The following MZT2A variants were observed in gnomAD, a reference collection of about 807,000 sequenced individuals.
MZT2A encodes mitotic spindle organizing protein 2A, also known as mitotic-spindle organizing protein 2A.
A neutral mutation model predicts 12.4 loss-of-function variants in MZT2A; 8 were observed. The observed-to-expected ratio is 0.64, with a 90% CI of 0.38 to 1.16. MZT2A has a LOEUF of 1.16. Ranked by LOEUF, MZT2A falls within the 50% of genes most tolerant of loss-of-function variation. The probability of loss-of-function intolerance (pLI) is 0.01; values close to 1 mark genes in which losing one functional copy is unlikely to be tolerated. For missense variants in MZT2A, 181 were observed against 223.6 expected (o/e 0.81, Z 1.22); for synonymous variants, 88 against 107.5 (o/e 0.82, Z 1.12).
upstream of MZT2A, chr2:131,493,092 G>T: frequency 6.7e-7 from 1 of 1,494,540 alleles, no homozygotes; most frequent in Non-Finnish European, 9.0e-7. Context: ...GCGCGGTGGC[G>T]GAATGGCGGC....
chr2:131,480,190 A>C (rs755915508), downstream of MZT2A: 3 of 1,613,944 alleles, frequency 1.9e-6, no homozygotes, highest in Non-Finnish European at 2.5e-6. Flanking sequence ...AAGAAGTCCA[A>C]GCTAGAGTTT....
chr2:131,470,624 C>T (rs1365852585), intron 3 of MZT2A, among the ~76,000 whole-genome samples: 1 of 152,162 alleles, frequency 6.6e-6, no homozygotes, highest in African/African-American at 2.4e-5. Flanking sequence ...GGACAGCTGG[C>T]TCTGTAATGC....
At chr2:131,493,434 T>C (rs899911683), upstream of MZT2A, among the ~76,000 whole-genome samples, 3 of 152,164 alleles carry the variant, frequency 2.0e-5, no homozygotes, top group Non-Finnish European at 4.4e-5. Flanking sequence ...GAGCTTTGTG[T>C]TGAAATTGAG....
intron 4 of MZT2A, chr2:131,469,808 C>CCCCCTT (rs1390873773): frequency 7.6e-6 from 1 of 131,490 alleles, no homozygotes; most frequent in African/African-American, 3.9e-5. Context: ...TCCTCCCCCC[C>CCCCCTT]TTTTTTTTTT....
At chr2:131,492,639 G>T, upstream of MZT2A, 2 of 1,237,820 alleles carry the variant, frequency 1.6e-6, no homozygotes, top group Non-Finnish European at 2.0e-6. Context: ...GGGCGTCCCT[G>T]ATAGACTTGC....
chr2:131,483,849 C>T (rs1262501316), downstream of MZT2A: 6 of 1,128,456 alleles, frequency 5.3e-6, no homozygotes, highest in African/African-American at 1.6e-5. Context: ...GGAAGTTGAC[C>T]CATGGTGAAG....
At chr2:131,487,840 C>T (rs148260376) in intron 2 of MZT2A, among the ~76,000 whole-genome samples, 513 of 152,336 alleles carry the variant, frequency 3.4e-3, no homozygotes, top group African/African-American at 0.012. Context: ...AGTCACAGCT[C>T]ACTGCAACCT....
chr2:131,479,376 G>A (rs769593401), downstream of MZT2A: 20 of 1,614,086 alleles, frequency 1.2e-5, no homozygotes, highest in Non-Finnish European at 1.7e-5. Context: ...GAAGGAAGAT[G>A]CAGCCAATAA....
downstream of MZT2A, chr2:131,480,002 C>T: frequency 6.6e-7 from 1 of 1,518,874 alleles, no homozygotes; most frequent in East Asian, 2.3e-5. Context: ...AGAAGCGGCC[C>T]TGGCTTGTTG....
At chr2:131,477,460 T>A (rs1678711802) in intron 2 of MZT2A, among the ~76,000 whole-genome samples, 1 of 152,014 alleles carries the variant, frequency 6.6e-6, no homozygotes, top group Admixed American at 6.6e-5. Flanking sequence ...AGGGTAGTTT[T>A]ATGAAGAGGG....
At chr2:131,484,411 G>C (rs1472786730) in intron 2 of MZT2A, among the ~76,000 whole-genome samples, 193 bp from the exon 3 acceptor site, 2 of 152,234 alleles carry the variant, frequency 1.3e-5, no homozygotes, top group Non-Finnish European at 2.9e-5. Flanking sequence ...AGAAGCCCTT[G>C]GCAGTGTGCA....
At chr2:131,481,654 C>G (rs1244337636), downstream of MZT2A, among the ~76,000 whole-genome samples, 5 of 151,906 alleles carry the variant, frequency 3.3e-5, no homozygotes, top group African/African-American at 1.2e-4. Context: ...AGGCTGGTCT[C>G]GAACTCCTGG....
intron 2 of MZT2A, chr2:131,491,416 G>C: frequency 3.6e-6 from 1 of 278,036 alleles, no homozygotes; most frequent in Non-Finnish European, 6.9e-6. Context: ...TATACCACAG[G>C]ACAGAGATCG....
At chr2:131,480,870 T>C (rs566220036), downstream of MZT2A, 24 of 1,375,792 alleles carry the variant, frequency 1.7e-5, 1 homozygote, top group South Asian at 2.8e-5. Context: ...CATGTGGGCA[T>C]AAATTAGTGA....
chr2:131,471,455 AAAG>A (rs1438664125), intron 3 of MZT2A, among the ~76,000 whole-genome samples: 1 of 129,612 alleles, frequency 7.7e-6, no homozygotes, highest in African/African-American at 4.8e-5. Context: ...AAAAAAAAAA[AAAG>A]AAAAAAAGAA....
intron 2 of MZT2A, among the ~76,000 whole-genome samples, chr2:131,473,114 C>G (rs1394413579): frequency 2.0e-5 from 3 of 152,084 alleles, no homozygotes; most frequent in Non-Finnish European, 4.4e-5. Context: ...TGGCTGTGTG[C>G]AAACCAGGAA....
At position 131,476,923 on chromosome 2, in the gene MZT2A, C is replaced by T. The variant is rs72859879; in HGVS notation, c.279-4741G>A. On this transcript the variant is annotated intron_variant and NMD_transcript_variant, in intron 2 of 4. Transcript: ENST00000427024. Reference sequence around the variant, plus strand: ...GCACTCCAGCCTGGGCCACAGAGACCCTGCCTCAAAGACACAAACAAAAAA... The same window carrying T: ...GCACTCCAGCCTGGGCCACAGAGACTCTGCCTCAAAGACACAAACAAAAAA... Among the ~76,000 whole-genome samples, 151 of 144,424 alleles carry T rather than the reference C, an allele frequency of 1.0e-3. 4 individuals carry two copies. Among genetic ancestry groups the T allele is most frequent in the Middle Eastern group, 3.4e-3 (1 of 294 alleles). 94.7% of individuals were successfully genotyped at this position (144,424 alleles called of 152,430 possible).
rs2622037 is a variant in MZT2A, at chr2:131,492,153, G to A, written c.170+54C>T. On this transcript the variant is annotated intron_variant, in intron 1 of 2. Transcript: ENST00000309451. ...GACCAGCGGGCCGGGCGTACCCGGAGAGCAGAGGTCGGGGGTGTCTGGCGA... is the reference window on the plus strand; with the variant it reads ...GACCAGCGGGCCGGGCGTACCCGGAAAGCAGAGGTCGGGGGTGTCTGGCGA... 6,546 of 1,537,420 alleles carry A rather than the reference G, an allele frequency of 4.3e-3. 25 individuals carry two copies. The highest frequency in any genetic ancestry group is 5.2e-3 in the Non-Finnish European group (5,916 of 1,141,958).
chr2:131,476,220 C>G (rs200054019), intron 2 of MZT2A: 7 of 1,613,890 alleles, frequency 4.3e-6, no homozygotes. Context: ...CCGGGTCACT[C>G]CCGCCCCGCA....
Sources: gnomAD v4.1 joint callset for allele counts (sites outside exome capture counted in the v4.1 genomes callset) on GRCh38, gnomAD v4.1.1 for gene constraint, MANE v1.5 for transcripts, NCBI Gene and HGNC (gene_info 2026-07-23, HGNC 2026-07-21) for gene names.